RGS5: variants seen among roughly 807,000 people sequenced by gnomAD.
RGS5 encodes regulator of G-protein signalling 5.
In RGS5, 20 loss-of-function variants were observed where a neutral mutation model predicts 18.9. The ratio of observed to expected loss-of-function variants is 1.06; its 90% CI spans 0.74 to 1.54. The LOEUF is 1.54. Among genes scored for constraint, RGS5 ranks in the 40% most tolerant of loss-of-function variants. RGS5 has a pLI of 0.00. For synonymous variants in RGS5, 57 were observed against 76.2 expected, an observed-to-expected ratio of 0.75 and a Z score of 1.31; for missense variants, 201 against 211.8, an observed-to-expected ratio of 0.95 and a Z score of 0.32.
chr1:163,200,698 A>G (rs888660875), intron 1 of RGS5, among the ~76,000 whole-genome samples: 15 of 152,194 alleles, frequency 9.9e-5, no homozygotes, highest in African/African-American at 3.6e-4. Context: ...ATTATGAAAC[A>G]ATATGTAATA....
At chr1:163,212,982 A>T (rs1306401717) in intron 1 of RGS5, 2 of 152,010 alleles carry the variant, frequency 1.3e-5, no homozygotes, top group African/African-American at 4.8e-5. Context: ...CACTTCTACC[A>T]CTTCCTAGAC....
intron 2 of RGS5, among the ~76,000 whole-genome samples, chr1:163,268,479 G>A (rs991543752): frequency 6.6e-6 from 1 of 152,044 alleles, no homozygotes; most frequent in African/African-American, 2.4e-5. Flanking sequence ...TGGAGAGACT[G>A]TTCCACCGAG....
At chr1:163,316,568 A>C (rs1284526321) in intron 1 of RGS5, among the ~76,000 whole-genome samples, 1 of 140,904 alleles carries the variant, frequency 7.1e-6, no homozygotes, top group Non-Finnish European at 1.6e-5. Flanking sequence ...TGGGCAACAC[A>C]GTGAGACCCT....
At chr1:163,248,138 T>C (rs1647995763) in intron 2 of RGS5, 2 of 152,210 alleles carry the variant, frequency 1.3e-5, no homozygotes, top group Admixed American at 6.5e-5. Flanking sequence ...AGAGCAAAGA[T>C]AAAACCACTT....
chr1:163,194,941 G>T (rs1026075461), intron 1 of RGS5, among the ~76,000 whole-genome samples: 1 of 152,118 alleles, frequency 6.6e-6, no homozygotes. Flanking sequence ...AAAAACAATA[G>T]ATGTTGGCAT....
intron 2 of RGS5, among the ~76,000 whole-genome samples, chr1:163,250,044 T>G (rs1648065726): frequency 6.6e-6 from 1 of 152,180 alleles, no homozygotes; most frequent in Non-Finnish European, 1.5e-5. Flanking sequence ...CTGGAAGTAC[T>G]CAGCTAATTC....
intron 2 of RGS5, among the ~76,000 whole-genome samples, chr1:163,261,459 G>A (rs1009362): frequency 2.6e-5 from 4 of 151,876 alleles, no homozygotes; most frequent in Admixed American, 6.6e-5. Context: ...CTCTTGAGAC[G>A]ACCACAGACC....
chr1:163,212,130 T>C (rs1484990902), intron 1 of RGS5: 5 of 152,206 alleles, frequency 3.3e-5, no homozygotes, highest in African/African-American at 9.7e-5. Flanking sequence ...TTTATTTAGT[T>C]TTGGTTCCCA....
intron 1 of RGS5, chr1:163,321,290 C>T (rs1571364909): frequency 6.6e-6 from 1 of 152,234 alleles, no homozygotes; most frequent in South Asian, 2.1e-4. Flanking sequence ...CAAATCACTT[C>T]TCTCTGAGTC....
At chr1:163,298,358 G>A (rs1649473922) in intron 2 of RGS5, among the ~76,000 whole-genome samples, 1 of 152,068 alleles carries the variant, frequency 6.6e-6, no homozygotes, top group African/African-American at 2.4e-5. Flanking sequence ...GAAATAAACT[G>A]ACAGTAGACA....
chr1:163,190,579 T>C (rs1659302232), intron 1 of RGS5, among the ~76,000 whole-genome samples: 1 of 152,194 alleles, frequency 6.6e-6, no homozygotes, highest in Admixed American at 6.5e-5. Context: ...TGCCAAACTC[T>C]ATCATCATTT....
chr1:163,147,253 G>T lies in RGS5; in HGVS notation c.*89C>A. 7.2e-7 allele frequency: 1 copy of T among 1,382,640 alleles called. No homozygotes were observed. Among genetic ancestry groups the T allele is most frequent in the Non-Finnish European group, 9.7e-7 (1 of 1,029,956 alleles). The allele number at this position is 1,382,640 out of a possible 1,614,324, so 85.6% of individuals were successfully genotyped here. ...CATGTGGGTATCACTGAGCAAAGCT[G>T]CTGTGGGAAGATATGTAGATTAATG... On this transcript the variant is annotated 3_prime_UTR_variant, in exon 5 of 5. Transcript: ENST00000313961.
intron 2 of RGS5, among the ~76,000 whole-genome samples, chr1:163,294,252 G>A (rs6665233): frequency 0.21 from 32,460 of 152,230 alleles, 3,699 homozygotes; most frequent in African/African-American, 0.3. Flanking sequence ...GCAGACTTCT[G>A]TCAGGATATC....
At chr1:163,191,204 G>T (rs565238393) in intron 1 of RGS5, among the ~76,000 whole-genome samples, 4 of 152,264 alleles carry the variant, frequency 2.6e-5, no homozygotes, top group Admixed American at 6.5e-5. Flanking sequence ...TCTTGGGTGG[G>T]AAGGGCAGGA....
At chr1:163,175,661 T>C (rs1420846832) in intron 1 of RGS5, among the ~76,000 whole-genome samples, 2 of 152,204 alleles carry the variant, frequency 1.3e-5, no homozygotes, top group Non-Finnish European at 2.9e-5. Flanking sequence ...TTTACCTACT[T>C]CAGTTTGAAC....
intron 1 of RGS5, among the ~76,000 whole-genome samples, chr1:163,181,659 C>A (rs1328918606): frequency 6.6e-6 from 1 of 152,102 alleles, no homozygotes; most frequent in Admixed American, 6.6e-5. Context: ...CTAAGAGTCC[C>A]ATATGTATGT....
At chr1:163,314,840 G>C (rs889277351) in intron 1 of RGS5, among the ~76,000 whole-genome samples, 12 of 152,124 alleles carry the variant, frequency 7.9e-5, no homozygotes, top group African/African-American at 2.7e-4. Context: ...ACAGCTAGAA[G>C]ATGCCATGTA....
At chr1:163,261,857 C>T (rs1648445754) in intron 2 of RGS5, among the ~76,000 whole-genome samples, 1 of 151,996 alleles carries the variant, frequency 6.6e-6, no homozygotes, top group African/African-American at 2.4e-5. Context: ...TTATATTCTT[C>T]TCTTAGTAAA....
chr1:163,186,290 T>C (rs111903848), intron 1 of RGS5, among the ~76,000 whole-genome samples: 30,702 of 151,664 alleles, frequency 0.2, 3,439 homozygotes, highest in African/African-American at 0.3. Flanking sequence ...AGGCTGGTCT[T>C]GAACTCCTTA....
Sources: gnomAD v4.1 joint callset for allele counts (sites outside exome capture counted in the v4.1 genomes callset) on GRCh38, gnomAD v4.1.1 for gene constraint, MANE v1.5 for transcripts, NCBI Gene and HGNC (gene_info 2026-07-23, HGNC 2026-07-21) for gene names.